The following DNAH11 variants were observed in gnomAD, a reference collection of about 807,000 sequenced individuals.
DNAH11 encodes axonemal beta dynein heavy chain 11.
Under a neutral mutation model 526.0 loss-of-function variants are expected in DNAH11, and 442 were observed. The observed-to-expected ratio is 0.84, with a 90% CI of 0.78 to 0.91. DNAH11 has a LOEUF of 0.91. Ranked by LOEUF, DNAH11 falls within the 40% of genes least tolerant of loss-of-function variation. The pLI is 0.00. For synonymous variants in DNAH11, 2,461 were observed against 1,935.9 expected (o/e 1.27, Z -7.12); for missense variants, 6,989 against 5,448.7 (o/e 1.28, Z -8.90).
chr7:21,845,170 G>T (rs1294717022), intron 66 of DNAH11, among the ~76,000 whole-genome samples: 3 of 152,032 alleles, frequency 2.0e-5, no homozygotes, highest in Non-Finnish European at 4.4e-5. Flanking sequence ...CCATTCTGTG[G>T]GCTGTCTTTT....
intron 62 of DNAH11, among the ~76,000 whole-genome samples, chr7:21,804,357 C>T (rs1397337030): frequency 6.6e-6 from 1 of 152,186 alleles, no homozygotes; most frequent in Non-Finnish European, 1.5e-5. Context: ...GATCCACCCG[C>T]CTCAGCCTCC....
chr7:21,634,635 G>T (rs1786771684), intron 25 of DNAH11, among the ~76,000 whole-genome samples: 1 of 152,118 alleles, frequency 6.6e-6, no homozygotes, highest in Admixed American at 6.5e-5. Flanking sequence ...CACAAAGAAG[G>T]GAATGATACA....
chr7:21,632,008 T>G (rs1442460718), intron 25 of DNAH11, among the ~76,000 whole-genome samples: 1 of 152,216 alleles, frequency 6.6e-6, no homozygotes, highest in East Asian at 1.9e-4. Context: ...ATGCATCTTG[T>G]GAAATCTAGG....
At position 21,543,418 on chromosome 7, in the gene DNAH11, G is replaced by A; in HGVS notation, c.173G>A (p.Arg58Gln). The change falls in exon 1 of 82, where the codon CGG becomes CAG. Residue 58 changes from arginine (R) to glutamine (Q), a missense_variant. Physicochemically the swap from Arg to Gln is conservative, Grantham distance 43. Transcript: ENST00000409508. ...GCGCGGAGTTTCGCCCAAGACGCGC[G>A]GGTGCGCTTCCTCGGCGGCCGCCTG... ...RRARSFAQDA[R>Q]VRFLGGRLAM... 2 of 1,555,236 alleles carry A rather than the reference G, an allele frequency of 1.3e-6. No individual in the cohort carries two copies. The highest frequency in any genetic ancestry group is 1.7e-6 in the Non-Finnish European group (2 of 1,148,744).
chr7:21,846,524 C>G (rs1782427552), intron 66 of DNAH11, among the ~76,000 whole-genome samples: 2 of 152,140 alleles, frequency 1.3e-5, no homozygotes, highest in African/African-American at 4.8e-5. Context: ...CATTACTTCA[C>G]TTTTGAACCA....
At chr7:21,564,130 T>TGGAA in intron 5 of DNAH11, 56 bp from the exon 6 acceptor site, 1 of 1,277,362 alleles carries the variant, frequency 7.8e-7, no homozygotes, top group African/African-American at 1.6e-5. Context: ...AAAGTGAATT[T>TGGAA]AGAAAAAAAA....
At chr7:21,782,016 C>T (rs1256377501) in intron 57 of DNAH11, among the ~76,000 whole-genome samples, 1 of 152,178 alleles carries the variant, frequency 6.6e-6, no homozygotes, top group Non-Finnish European at 1.5e-5. Context: ...CTCAGTTTAA[C>T]CTGATCACCT....
At chr7:21,887,159 G>T (rs192146930) in intron 76 of DNAH11, among the ~76,000 whole-genome samples, 12 of 152,288 alleles carry the variant, frequency 7.9e-5, no homozygotes. Context: ...TCATGGTGTG[G>T]GGTTTAAAGT....
chr7:21,823,273 T>TC (rs1350774907), intron 65 of DNAH11, among the ~76,000 whole-genome samples: 1 of 152,120 alleles, frequency 6.6e-6, no homozygotes, highest in Non-Finnish European at 1.5e-5. Flanking sequence ...GTCTAACTCT[T>TC]CCCCCCTCGG....
intron 41 of DNAH11, 150 bp downstream of exon 41, chr7:21,710,853 A>T (rs1583616966): frequency 2.4e-6 from 2 of 831,346 alleles, no homozygotes; most frequent in East Asian, 6.1e-5. Context: ...TTTCCTGATA[A>T]TTTTCTTAAT....
chr7:21,738,664 C>G, intron 46 of DNAH11, 37 bp from the exon 47 acceptor site: 1 of 1,512,398 alleles, frequency 6.6e-7, no homozygotes, highest in Admixed American at 2.3e-5. Context: ...CATTTACATT[C>G]TGTTGATGGG....
intron 74 of DNAH11, among the ~76,000 whole-genome samples, chr7:21,874,702 T>G (rs931673365): frequency 7.9e-5 from 12 of 151,820 alleles, no homozygotes; most frequent in African/African-American, 2.9e-4. Context: ...TATACACATA[T>G]ATATGATATA....
At position 21,873,332 on chromosome 7, in the gene DNAH11, G is replaced by C. The variant is rs745785193; in HGVS notation, c.12026G>C (p.Ser4009Thr). 6.2e-7 allele frequency: 1 copy of C among 1,611,500 alleles called. No individual in the cohort carries two copies. Among genetic ancestry groups the C allele is most frequent in the South Asian group, 1.1e-5 (1 of 90,576 alleles). Residue 4009 changes from serine to threonine, a missense_variant, in exon 74 of 82, where the codon AGC (serine) becomes ACC (threonine). Coordinates refer to ENST00000409508, the MANE Select transcript of DNAH11 (RefSeq NM_001277115.2). ...GTLEKLLERF[S>T]QGSHRDYRVF... ...TTGGAGAAGCTCCTTGAAAGATTCA[G>C]CCAAGGAAGCCACAGAGATTACAGG...
intron 30 of DNAH11, among the ~76,000 whole-genome samples, chr7:21,672,588 C>G (rs1448929631): frequency 6.6e-6 from 1 of 152,202 alleles, no homozygotes; most frequent in African/African-American, 2.4e-5. Flanking sequence ...AATCTGACCT[C>G]CAGATCTCAA....
chr7:21,616,071 C>G (rs1193844067), intron 21 of DNAH11, 138 bp from the exon 22 acceptor site: 1 of 650,308 alleles, frequency 1.5e-6, no homozygotes, highest in Non-Finnish European at 2.6e-6. Context: ...GAAGTTTTGA[C>G]AAGTGCAGTT....
chr7:21,674,317 A>G (rs1263129618), intron 30 of DNAH11, among the ~76,000 whole-genome samples: 4 of 151,592 alleles, frequency 2.6e-5, no homozygotes, highest in East Asian at 3.9e-4. Flanking sequence ...TGGCCTCCCA[A>G]AGTTCTGGGA....
intron 2 of DNAH11, among the ~76,000 whole-genome samples, chr7:21,548,095 C>CAGCATAACACGTA (rs1348797387): frequency 1.4e-5 from 2 of 144,778 alleles, no homozygotes; most frequent in African/African-American, 2.6e-5. Context: ...TCTACCCAAC[C>CAGCATAACACGTA]CATTAATGGG....
At chr7:21,854,209 T>C in intron 67 of DNAH11, 106 bp from the exon 68 acceptor site, 1 of 1,233,146 alleles carries the variant, frequency 8.1e-7, no homozygotes, top group Non-Finnish European at 1.1e-6. Context: ...GTTATCTATT[T>C]TAATACTCAT....
chr7:21,793,699 G>T (rs1003629934), intron 61 of DNAH11, among the ~76,000 whole-genome samples: 26 of 152,066 alleles, frequency 1.7e-4, no homozygotes, highest in Admixed American at 3.3e-4. Context: ...GTAGTCTAGT[G>T]TTTAGTTTAT....
Sources: allele counts gnomAD v4.1 joint callset (sites outside exome capture counted in the v4.1 genomes callset), GRCh38; gene constraint gnomAD v4.1.1; transcripts MANE v1.5; gene names NCBI Gene and HGNC (gene_info 2026-07-23, HGNC 2026-07-21).